The following SLC14A2 variants were observed in gnomAD, a reference collection of about 807,000 sequenced individuals.
SLC14A2 encodes solute carrier family 14 member 2, also known as urea transporter 2.
SLC14A2 carries 91 observed loss-of-function variants against 104.6 expected under a neutral mutation model. That is an observed-to-expected ratio of 0.87 (90% confidence interval 0.73 to 1.04). SLC14A2 has a LOEUF of 1.04. Among genes scored for constraint, SLC14A2 ranks in the 50% least tolerant of loss-of-function variants. SLC14A2 has a pLI of 0.00. For missense variants in SLC14A2, 1,189 were observed against 1,156.0 expected (o/e 1.03, Z -0.41); for synonymous variants, 476 against 466.4 (o/e 1.02, Z -0.27).
At chr18:45,170,064 A>T in the SLC14A2 span, among the ~76,000 whole-genome samples, 6 of 152,354 alleles carry the variant, frequency 3.9e-5, no homozygotes, top group African/African-American at 1.4e-4. Flanking sequence ...ATGGTATGGT[A>T]GCTAAAGCTG....
rs567294287 is a variant in SLC14A2, at chr18:45,544,226, G to A, written c.-35+60904G>A. On this transcript the variant is annotated intron_variant, in intron 2 of 20. Coordinates refer to the SLC14A2 transcript ENST00000586448. ...AATCACTGAACTTCAGATGGTCTTG[G>A]GTACCCCACACACAGCTTTCTTCTG... Among the ~76,000 whole-genome samples the A allele has an allele frequency of 2.1e-4, 32 of 152,178 alleles. No individual in the cohort carries two copies. In the South Asian group the frequency reaches 6.7e-3, roughly 32 times the overall value.
intron 16 of SLC14A2, 58 bp from the exon 17 acceptor site, chr18:45,672,842 A>G: frequency 1.3e-6 from 2 of 1,527,070 alleles, no homozygotes; most frequent in East Asian, 2.3e-5. Context: ...TCTTGCAGCC[A>G]AGGTCAAGTT....
At chr18:45,236,846 A>T (rs2084259864) in intron 1 of SLC14A2, among the ~76,000 whole-genome samples, 1 of 152,114 alleles carries the variant, frequency 6.6e-6, no homozygotes, top group African/African-American at 2.4e-5. Flanking sequence ...GTATGCTGAA[A>T]CATCCCCTTT....
chr18:45,393,323 C>T (rs1171498324), intron 1 of SLC14A2, among the ~76,000 whole-genome samples: 1 of 152,176 alleles, frequency 6.6e-6, no homozygotes, highest in African/African-American at 2.4e-5. Context: ...CCTAAACACG[C>T]CTCATCCCCC....
intron 1 of SLC14A2, among the ~76,000 whole-genome samples, chr18:45,264,345 A>G (rs1450908462): frequency 6.6e-6 from 1 of 152,190 alleles, no homozygotes; most frequent in Non-Finnish European, 1.5e-5. Flanking sequence ...TCTACAATAT[A>G]TTGCTCCCTC....
At chr18:45,502,900 A>G (rs958046258) in intron 2 of SLC14A2, among the ~76,000 whole-genome samples, 9 of 151,522 alleles carry the variant, frequency 5.9e-5, no homozygotes, top group Admixed American at 2.6e-4. Context: ...TATGTGTCCT[A>G]TGTGTCCTAT....
intron 1 of SLC14A2, among the ~76,000 whole-genome samples, chr18:45,414,885 G>A (rs2086259783): frequency 6.7e-6 from 1 of 148,778 alleles, no homozygotes; most frequent in South Asian, 2.1e-4. Context: ...TCTCCTTTCA[G>A]AGCTCCTCAC....
intron 1 of SLC14A2, among the ~76,000 whole-genome samples, chr18:45,403,776 A>ATGAATGAATGAATGAGTGAG (rs1555682873): frequency 1.3e-5 from 2 of 152,128 alleles, no homozygotes; most frequent in African/African-American, 4.8e-5. Context: ...GAATGAATGA[A>ATGAATGAATGAATGAGTGAG]TGAATGAATA....
intron 1 of SLC14A2, among the ~76,000 whole-genome samples, chr18:45,418,483 G>C (rs1227676594): frequency 1.3e-5 from 2 of 152,154 alleles, no homozygotes; most frequent in African/African-American, 2.4e-5. Flanking sequence ...GAGTGAAGTA[G>C]GAGACATATG....
At chr18:45,331,552 G>A (rs369201081) in intron 1 of SLC14A2, among the ~76,000 whole-genome samples, 4 of 152,126 alleles carry the variant, frequency 2.6e-5, no homozygotes, top group East Asian at 1.9e-4. Context: ...TTAGCCGGGC[G>A]TGGTGGCGGA....
intron 1 of SLC14A2, among the ~76,000 whole-genome samples, chr18:45,360,253 C>T (rs2085597106): frequency 6.6e-6 from 1 of 152,248 alleles, no homozygotes; most frequent in South Asian, 2.1e-4. Context: ...AGAAGCCAGT[C>T]GTGCATCCCT....
chr18:45,449,018 A>G (rs2086816104), intron 1 of SLC14A2, among the ~76,000 whole-genome samples: 1 of 152,182 alleles, frequency 6.6e-6, no homozygotes, highest in Non-Finnish European at 1.5e-5. Context: ...TAAGCAGAGG[A>G]AGGTGCAGCC....
rs962632960 is a variant in SLC14A2, at chr18:45,230,192, G to T, written c.-125+17001G>T. Among the ~76,000 whole-genome samples, 5 of 152,110 alleles carry T rather than the reference G, an allele frequency of 3.3e-5. No homozygotes were observed. The South Asian group carries it at 1.0e-3, about 32-fold the overall frequency. ...CCTTGTTCCTCCTTTGTTACTTCGTGAGGTCTGTATTACTTTTCTATTGCT... is the reference window on the plus strand; with the variant it reads ...CCTTGTTCCTCCTTTGTTACTTCGTTAGGTCTGTATTACTTTTCTATTGCT... On this transcript the variant is annotated intron_variant, in intron 1 of 20. Coordinates refer to the SLC14A2 transcript ENST00000586448.
chr18:45,454,829 T>C (rs2086915494), intron 1 of SLC14A2, among the ~76,000 whole-genome samples: 1 of 152,226 alleles, frequency 6.6e-6, no homozygotes, highest in Non-Finnish European at 1.5e-5. Flanking sequence ...TGTGGCGTTA[T>C]TTCTGAGGCC....
At chr18:45,376,465 C>T (rs1021729461) in intron 1 of SLC14A2, among the ~76,000 whole-genome samples, 6 of 152,156 alleles carry the variant, frequency 3.9e-5, no homozygotes, top group African/African-American at 1.4e-4. Flanking sequence ...TAAATATCTG[C>T]TTGTGCTCAG....
At chr18:45,486,829 G>C (rs970145332) in intron 2 of SLC14A2, among the ~76,000 whole-genome samples, 5 of 152,164 alleles carry the variant, frequency 3.3e-5, no homozygotes, top group African/African-American at 1.2e-4. Flanking sequence ...TTGCAAAGTA[G>C]GTAATCCATA....
At chr18:45,675,344 G>A (rs1252239435) in intron 18 of SLC14A2, among the ~76,000 whole-genome samples, 1 of 152,058 alleles carries the variant, frequency 6.6e-6, no homozygotes, top group Non-Finnish European at 1.5e-5. Context: ...TTTTGTAGCC[G>A]TGGTGCCTGA....
At chr18:45,657,441 C>G (rs1042281655) in intron 10 of SLC14A2, among the ~76,000 whole-genome samples, 24 of 143,508 alleles carry the variant, frequency 1.7e-4, no homozygotes, top group African/African-American at 6.0e-4. Context: ...GAGCCGAGAT[C>G]ACGCCACTGC....
At chr18:45,501,763 G>T (rs1023950118) in intron 2 of SLC14A2, among the ~76,000 whole-genome samples, 1 of 152,210 alleles carries the variant, frequency 6.6e-6, no homozygotes, top group African/African-American at 2.4e-5. Flanking sequence ...GGATCAGAGT[G>T]GTCCCAGAGT....
Sources: allele counts gnomAD v4.1 joint callset (sites outside exome capture counted in the v4.1 genomes callset), GRCh38; gene constraint gnomAD v4.1.1; transcripts MANE v1.5; gene names NCBI Gene and HGNC (gene_info 2026-07-23, HGNC 2026-07-21).